COLEC10: variants seen among roughly 807,000 people sequenced by gnomAD.
COLEC10 encodes collectin-10.
In COLEC10, 22 loss-of-function variants were observed where a neutral mutation model predicts 28.4. That is an observed-to-expected ratio of 0.78 (90% confidence interval 0.55 to 1.11). The LOEUF (loss-of-function observed/expected upper bound fraction) is 1.11. Among genes scored for constraint, COLEC10 ranks in the 50% least tolerant of loss-of-function variants. The pLI is 0.00. For synonymous variants in COLEC10, 125 were observed against 116.1 expected, an observed-to-expected ratio of 1.08 and a Z score of -0.49; for missense variants, 361 against 344.1, an observed-to-expected ratio of 1.05 and a Z score of -0.39.
chr8:118,976,293 A>G, the COLEC10 span, among the ~76,000 whole-genome samples: 1 of 152,078 alleles, frequency 6.6e-6, no homozygotes, highest in Admixed American at 6.6e-5. Flanking sequence ...AAATACATAA[A>G]AAGTAACTCT....
chr8:119,094,636 G>A (rs2037246317), intron 3 of COLEC10, among the ~76,000 whole-genome samples: 1 of 152,166 alleles, frequency 6.6e-6, no homozygotes, highest in African/African-American at 2.4e-5. Context: ...CAGTTCATAA[G>A]TGGGGCAGCC....
chr8:118,982,351 A>T, the COLEC10 span, among the ~76,000 whole-genome samples: 2 of 152,158 alleles, frequency 1.3e-5, no homozygotes. Context: ...ATGAAACTCT[A>T]CATGATAATT....
chr8:118,991,922 G>C (rs1005668628), upstream of COLEC10, among the ~76,000 whole-genome samples: 1 of 152,114 alleles, frequency 6.6e-6, no homozygotes, highest in Non-Finnish European at 1.5e-5. Flanking sequence ...ATGGTTTACA[G>C]TTGTTGCCTA....
At chr8:119,079,460 G>A (rs1353283720) in intron 1 of COLEC10, among the ~76,000 whole-genome samples, 1 of 152,142 alleles carries the variant, frequency 6.6e-6, no homozygotes, top group African/African-American at 2.4e-5. Flanking sequence ...ACTTAGTCCT[G>A]AATTGATGGG....
chr8:119,093,516 T>C (rs2130287678), intron 3 of COLEC10, among the ~76,000 whole-genome samples: 2 of 152,314 alleles, frequency 1.3e-5, no homozygotes, highest in East Asian at 3.9e-4. Context: ...GGTTTTACCA[T>C]GAAGAGTCCT....
the COLEC10 span, among the ~76,000 whole-genome samples, chr8:118,953,371 A>G: frequency 6.6e-6 from 1 of 152,240 alleles, no homozygotes; most frequent in African/African-American, 2.4e-5. Context: ...CATGGGACTC[A>G]AGTCAATCCA....
chr8:118,957,517 C>T, the COLEC10 span, among the ~76,000 whole-genome samples: 1 of 152,126 alleles, frequency 6.6e-6, no homozygotes, highest in Non-Finnish European at 1.5e-5. Context: ...AGAGATATAC[C>T]TTATGTGTCC....
chr8:118,996,184 A>G (rs1417193193), intron 1 of COLEC10, among the ~76,000 whole-genome samples: 4 of 152,230 alleles, frequency 2.6e-5, no homozygotes, highest in African/African-American at 9.6e-5. Context: ...CTCAAGGGTC[A>G]TCCATGTTGT....
intron 2 of COLEC10, among the ~76,000 whole-genome samples, chr8:119,022,315 T>C (rs1017235182): frequency 2.0e-5 from 3 of 152,098 alleles, no homozygotes; most frequent in Non-Finnish European, 4.4e-5. Context: ...GACAGGCCAC[T>C]CCCATAGTCA....
At chr8:119,044,491 C>A (rs1008833157) in intron 2 of COLEC10, among the ~76,000 whole-genome samples, 1 of 151,786 alleles carries the variant, frequency 6.6e-6, no homozygotes, top group Admixed American at 6.6e-5. Context: ...TATTTTTGCT[C>A]GTTTTTAACA....
intron 2 of COLEC10, among the ~76,000 whole-genome samples, chr8:119,038,932 C>T (rs1814440057): frequency 6.6e-6 from 1 of 152,096 alleles, no homozygotes; most frequent in Non-Finnish European, 1.5e-5. Context: ...CCATGACCAC[C>T]TAATTACTAT....
At chr8:118,999,963 T>G (rs114441436) in intron 1 of COLEC10, among the ~76,000 whole-genome samples, 2,124 of 152,266 alleles carry the variant, frequency 0.014, 48 homozygotes, top group African/African-American at 0.049. Flanking sequence ...GCATGGGGTA[T>G]TTTTAAATGA....
chr8:119,069,630 ATATATATAT>A (rs1407235824), intron 1 of COLEC10, among the ~76,000 whole-genome samples: 588 of 28,770 alleles, frequency 0.02, 26 homozygotes, highest in African/African-American at 0.041. Flanking sequence ...AAAAAAAAAA[ATATATATAT>A]ATATATATAT....
At chr8:119,007,183 TGA>T (rs1177517489) in intron 1 of COLEC10, among the ~76,000 whole-genome samples, 1 of 152,116 alleles carries the variant, frequency 6.6e-6, no homozygotes, top group Non-Finnish European at 1.5e-5. Context: ...GTTAAGTCAC[TGA>T]GATATCAGGC....
chr8:119,052,268 A>C (rs894622741), intron 2 of COLEC10, among the ~76,000 whole-genome samples: 1 of 152,106 alleles, frequency 6.6e-6, no homozygotes. Context: ...TTTTTATAGG[A>C]GGTCAGGCAG....
chr8:118,975,117 T>C, the COLEC10 span, among the ~76,000 whole-genome samples: 4 of 152,012 alleles, frequency 2.6e-5, no homozygotes, highest in African/African-American at 9.7e-5. Flanking sequence ...ATAGCAATAA[T>C]GATTCAGTAA....
intron 2 of COLEC10, among the ~76,000 whole-genome samples, chr8:119,019,434 G>A (rs1016519946): frequency 2.6e-5 from 4 of 152,144 alleles, no homozygotes; most frequent in Admixed American, 6.5e-5. Flanking sequence ...CAAGAAATCC[G>A]TCTTTGGAGC....
intron 3 of COLEC10, among the ~76,000 whole-genome samples, chr8:119,099,396 A>G (rs1439528106): frequency 6.6e-6 from 1 of 152,118 alleles, no homozygotes; most frequent in Non-Finnish European, 1.5e-5. Flanking sequence ...TGATCCGATT[A>G]TAAGAAAATA....
intron 2 of COLEC10, among the ~76,000 whole-genome samples, chr8:119,034,172 C>T (rs1324105477): frequency 6.6e-6 from 1 of 151,896 alleles, no homozygotes; most frequent in East Asian, 1.9e-4. Flanking sequence ...TGTTCTCACT[C>T]ATAAGTGGGA....
Sources: gnomAD v4.1 joint callset for allele counts (sites outside exome capture counted in the v4.1 genomes callset) on GRCh38, gnomAD v4.1.1 for gene constraint, MANE v1.5 for transcripts, NCBI Gene and HGNC (gene_info 2026-07-23, HGNC 2026-07-21) for gene names.